Variants in LTBP2 observed in about 807,000 individuals in gnomAD.
LTBP2 encodes latent-transforming growth factor beta-binding protein 2.
LTBP2 carries 103 observed loss-of-function variants against 210.6 expected under a neutral mutation model. The ratio of observed to expected loss-of-function variants is 0.49; its 90% CI spans 0.42 to 0.58. LTBP2 has a LOEUF of 0.58. Among genes scored for constraint, LTBP2 ranks in the 20% least tolerant of loss-of-function variants. The pLI is 0.00. For synonymous variants in LTBP2, 1,007 were observed against 1,015.0 expected (o/e 0.99, Z 0.15); for missense variants, 2,313 against 2,494.5 (o/e 0.93, Z 1.55).
chr14:74,553,091 G>A lies in LTBP2; in HGVS notation c.1022-29C>T, dbSNP rs775437770. On this transcript the variant is annotated intron_variant, in intron 4 of 35. Transcript: ENST00000261978. ...CAGAGAGAGGGCTTGGGTCCAGGGG[G>A]CAGGGCTGAGAGGCACAGCTGTGAC... 9.3e-6 allele frequency: 15 copies of A among 1,611,338 alleles called. No homozygotes were observed. In the South Asian group the frequency reaches 1.4e-4, roughly 15 times the overall value.
At chr14:74,540,839 TTA>T (rs1491379497) in intron 8 of LTBP2, among the ~76,000 whole-genome samples, 6 of 17,752 alleles carry the variant, frequency 3.4e-4, no homozygotes, top group African/African-American at 4.6e-4. Context: ...TAATATATAT[TTA>T]TATATATTAT....
chr14:74,589,910 G>C lies in LTBP2; in HGVS notation c.566-3792C>G, dbSNP rs188445119. Among the ~76,000 whole-genome samples, 899 of 152,272 alleles carry C rather than the reference G, an allele frequency of 5.9e-3. 12 individuals carry two copies. The highest frequency in any genetic ancestry group is 0.021 in the African/African-American group (864 of 41,550). On this transcript the variant is annotated intron_variant, in intron 2 of 35. Coordinates refer to ENST00000261978, the MANE Select transcript of LTBP2 (RefSeq NM_000428.3). Reference sequence around the variant, plus strand: ...GGAAGGTCATGCAGCTTCCACCTCTGAGTGTGTGGTCCTTGCCCCGAGGAT... The same window carrying C: ...GGAAGGTCATGCAGCTTCCACCTCTCAGTGTGTGGTCCTTGCCCCGAGGAT...
intron 2 of LTBP2, among the ~76,000 whole-genome samples, chr14:74,589,909 TGA>T (rs2139792346): frequency 6.6e-6 from 1 of 152,264 alleles, no homozygotes; most frequent in South Asian, 2.1e-4. Context: ...CTTCCACCTC[TGA>T]GTGTGTGGTC....
At chr14:74,598,745 G>A (rs1048599002) in intron 2 of LTBP2, among the ~76,000 whole-genome samples, 1 of 152,116 alleles carries the variant, frequency 6.6e-6, no homozygotes, top group Non-Finnish European at 1.5e-5. Flanking sequence ...GCCACGTGGT[G>A]GAGCTGAGAG....
At chr14:74,532,845 TTATC>T (rs1289747694) in intron 9 of LTBP2, among the ~76,000 whole-genome samples, 1 of 152,168 alleles carries the variant, frequency 6.6e-6, no homozygotes, top group South Asian at 2.1e-4. Context: ...ATTTATTTAT[TTATC>T]TATTTTTTGA....
intron 26 of LTBP2, 47 bp downstream of exon 26, chr14:74,507,132 T>C: frequency 1.9e-6 from 3 of 1,613,634 alleles, no homozygotes; most frequent in Non-Finnish European, 2.5e-6. Context: ...ATGTGAAAAA[T>C]AGGTTTTCTC....
At chr14:74,507,883 A>G in intron 25 of LTBP2, 90 bp downstream of exon 25, 2 of 1,566,440 alleles carry the variant, frequency 1.3e-6, no homozygotes, top group Non-Finnish European at 1.7e-6. Flanking sequence ...ATCTGTGGAA[A>G]GTGCTCTGCT....
At chr14:74,505,289 T>C in intron 28 of LTBP2, 115 bp from the exon 29 acceptor site, 3 of 1,172,606 alleles carry the variant, frequency 2.6e-6, no homozygotes, top group Non-Finnish European at 1.2e-6. Flanking sequence ...GTGGAAAAAA[T>C]TCTGTTACCT....
chr14:74,542,725 C>A (rs971968653), intron 8 of LTBP2, among the ~76,000 whole-genome samples: 4 of 151,630 alleles, frequency 2.6e-5, no homozygotes, highest in African/African-American at 9.7e-5. Context: ...TCCACTCTGA[C>A]TACCTGTGTG....
chr14:74,528,540 G>A lies in LTBP2; in HGVS notation c.2311C>T (p.Gln771Ter), dbSNP rs1484574471. The change falls in exon 12 of 36, where the codon CAG (glutamine) becomes TAG (stop). Residue 771 changes from glutamine to a stop codon, truncating the protein, a stop_gained. Coordinates refer to ENST00000261978, the MANE Select transcript of LTBP2 (RefSeq NM_000428.3). LOFTEE classifies it high-confidence loss of function. ...SGALPGPAER[Q>*]PLRVVTDTWL... The stretch of plus-strand genomic sequence containing the variant: ...GTGTCCGTGACGACCCGGAGGGGCT[G>A]CCTCTCTGCTGGCCCGGGCAGTGCC... 1 of 1,612,862 alleles carries A rather than the reference G, an allele frequency of 6.2e-7. No homozygotes were observed. The highest frequency in any genetic ancestry group is 1.1e-5 in the South Asian group (1 of 91,048).
chr14:74,607,759 A>G (rs1566658736), intron 1 of LTBP2, among the ~76,000 whole-genome samples: 1 of 152,212 alleles, frequency 6.6e-6, no homozygotes, highest in Non-Finnish European at 1.5e-5. Context: ...ACATGTATCT[A>G]TAGTAATATT....
intron 1 of LTBP2, among the ~76,000 whole-genome samples, chr14:74,605,558 T>C (rs1436264761): frequency 1.3e-5 from 2 of 152,134 alleles, no homozygotes; most frequent in African/African-American, 4.8e-5. Flanking sequence ...CCCCTTGTGG[T>C]GGTGACAAGA....
chr14:74,540,342 A>T (rs1222125131), intron 8 of LTBP2, among the ~76,000 whole-genome samples: 1 of 151,866 alleles, frequency 6.6e-6, no homozygotes, highest in Non-Finnish European at 1.5e-5. Flanking sequence ...GCGTGGTGGC[A>T]TGAGCCTGTG....
intron 8 of LTBP2, among the ~76,000 whole-genome samples, chr14:74,541,985 G>A (rs1462305257): frequency 6.6e-6 from 1 of 152,184 alleles, no homozygotes; most frequent in Non-Finnish European, 1.5e-5. Context: ...CCTGGGGAGA[G>A]AGAGTGGCTA....
chr14:74,557,152 C>A (rs1031152869), intron 3 of LTBP2, among the ~76,000 whole-genome samples: 9 of 152,054 alleles, frequency 5.9e-5, no homozygotes, highest in African/African-American at 1.9e-4. Flanking sequence ...GTCCCAGGTA[C>A]TTGAGAGGCT....
At chr14:74,507,153 CCT>C (rs2139693158) in intron 26 of LTBP2, 24 bp downstream of exon 26, 3 of 1,614,028 alleles carry the variant, frequency 1.9e-6, no homozygotes, top group Non-Finnish European at 2.5e-6. Context: ...AGCCCTCTCT[CCT>C]CTCTCTCCTC....
In LTBP2 at chr14:74,508,644, C is replaced by T. The variant is rs201099163; in HGVS notation, c.3612G>A (p.Ala1204=). Reference sequence around the variant, plus strand: ...CCCCCTCTGCGCTGACGAAGCCAGGCGCGCACAGACAGAAGAAAGACCCGT... The same window carrying T: ...CCCCCTCTGCGCTGACGAAGCCAGGTGCGCACAGACAGAAGAAAGACCCGT... The part of the protein sequence containing the change: ...NSHGSFFCLC[A]PGFVSAEGGT... Residue 1204 remains alanine, a synonymous_variant, in exon 24 of 36, where the codon GCG becomes GCA. Transcript: ENST00000261978. 3.2e-5 allele frequency: 52 copies of T among 1,612,356 alleles called. No homozygotes were observed. The Middle Eastern group carries it at 1.3e-3, about 41-fold the overall frequency.
intron 31 of LTBP2, 140 bp downstream of exon 31, chr14:74,503,786 C>T: frequency 7.0e-7 from 1 of 1,432,238 alleles, no homozygotes; most frequent in Non-Finnish European, 9.5e-7. Flanking sequence ...AGCTCCTTCA[C>T]CTGGGACCAG....
At chr14:74,601,705 G>A (rs1342831458) in intron 2 of LTBP2, among the ~76,000 whole-genome samples, 2 of 152,220 alleles carry the variant, frequency 1.3e-5, no homozygotes, top group East Asian at 3.9e-4. Context: ...GCGGGAATGG[G>A]AGCAATCGCA....
Sources: gnomAD v4.1 joint callset for allele counts (sites outside exome capture counted in the v4.1 genomes callset) on GRCh38, gnomAD v4.1.1 for gene constraint, MANE v1.5 for transcripts, NCBI Gene and HGNC (gene_info 2026-07-23, HGNC 2026-07-21) for gene names.